CARD8: variants seen among roughly 807,000 people sequenced by gnomAD.
CARD8 encodes the protein caspase recruitment domain-containing protein 8.
A neutral mutation model predicts 53.2 loss-of-function variants in CARD8; 38 were observed. That is an observed-to-expected ratio of 0.71 (90% CI 0.55 to 0.94). The LOEUF is 0.94. Among genes scored for constraint, CARD8 ranks in the 40% least tolerant of loss-of-function variants. The pLI is 0.00. For synonymous variants in CARD8, 245 were observed against 244.9 expected (o/e 1.00, Z 0.00); for missense variants, 561 against 655.5 (o/e 0.86, Z 1.57).
chr19:48,231,534 A>C (rs2042886295), intron 8 of CARD8, 126 bp downstream of exon 8: 1 of 914,434 alleles, frequency 1.1e-6, no homozygotes, highest in Non-Finnish European at 1.6e-6. Flanking sequence ...CGAACTCCTG[A>C]CCTTGTGATC....
chr19:48,219,160 C>G, intron 11 of CARD8, 148 bp from the exon 12 acceptor site: 1 of 668,084 alleles, frequency 1.5e-6, no homozygotes, highest in Admixed American at 2.7e-5. Context: ...GTAAACAGCT[C>G]TTTACATTTA....
chr19:48,253,733 C>T (rs1004204038), intron 1 of CARD8, among the ~76,000 whole-genome samples: 2 of 152,108 alleles, frequency 1.3e-5, no homozygotes, highest in African/African-American at 4.8e-5. Context: ...ATAAGAATAA[C>T]AATTTTAATT....
At chr19:48,229,283 A>G (rs924095294) in intron 10 of CARD8, among the ~76,000 whole-genome samples, 3 of 152,186 alleles carry the variant, frequency 2.0e-5, no homozygotes, top group African/African-American at 4.8e-5. Context: ...TGTTTCTAGT[A>G]TATCAATAAG....
chr19:48,241,890 G>A (rs905312548), intron 3 of CARD8, among the ~76,000 whole-genome samples: 3 of 152,014 alleles, frequency 2.0e-5, no homozygotes, highest in Non-Finnish European at 4.4e-5. Flanking sequence ...ACAATTCAAT[G>A]TTGTATATAT....
chr19:48,224,118 C>T (rs562199399), intron 10 of CARD8, among the ~76,000 whole-genome samples: 44 of 152,238 alleles, frequency 2.9e-4, no homozygotes, highest in Non-Finnish European at 5.1e-4. Flanking sequence ...CATGCCAGCA[C>T]GCCCGGCTAA....
At chr19:48,227,142 C>A (rs1005173324) in intron 10 of CARD8, among the ~76,000 whole-genome samples, 2 of 151,312 alleles carry the variant, frequency 1.3e-5, no homozygotes, top group African/African-American at 4.9e-5. Flanking sequence ...AAGATGAACA[C>A]TAGAGTATGG....
At chr19:48,228,174 C>A (rs531026577) in intron 10 of CARD8, among the ~76,000 whole-genome samples, 3 of 152,308 alleles carry the variant, frequency 2.0e-5, no homozygotes, top group African/African-American at 7.2e-5. Flanking sequence ...CCAGATGGAA[C>A]CATCTAGCTG....
At chr19:48,218,375 C>T (rs10417858) in intron 12 of CARD8, among the ~76,000 whole-genome samples, 1,399 of 11,612 alleles carry the variant, frequency 0.12, 333 homozygotes, top group Middle Eastern at 0.38. Flanking sequence ...TTTTTTTTTT[C>T]AGATGGAGTT....
At chr19:48,207,502 A>AAT (rs10691100), downstream of CARD8, among the ~76,000 whole-genome samples, 124,989 of 151,862 alleles carry the variant, frequency 0.82, 52,246 homozygotes, top group South Asian at 0.91. Context: ...TATGGCTTTT[A>AAT]ATGAGGTTTC....
At chr19:48,225,218 C>T (rs532350363) in intron 10 of CARD8, among the ~76,000 whole-genome samples, 6 of 152,104 alleles carry the variant, frequency 3.9e-5, no homozygotes, top group South Asian at 2.1e-4. Flanking sequence ...CTGGAGGGCA[C>T]GGTGGCTCAC....
At position 48,211,697 on chromosome 19, in the gene CARD8, T is replaced by C. The variant is rs1367628950; in HGVS notation, c.*13A>G. ...GCTGGATTCTCTCTTCCAGACTACC[T>C]AACTGACTCATTTTACAAATTCTGC... On this transcript the variant is annotated 3_prime_UTR_variant, in exon 14 of 14. Transcript: ENST00000651546. The C allele has an allele frequency of 5.6e-6, 9 of 1,612,060 alleles. No individual in the cohort carries two copies. The highest frequency in any genetic ancestry group is 7.6e-6 in the Non-Finnish European group (9 of 1,178,760).
chr19:48,211,696 C>T lies in CARD8; in HGVS notation c.*14G>A, dbSNP rs1313261508. 2 of 1,611,952 alleles carry T rather than the reference C, an allele frequency of 1.2e-6. No individual in the cohort carries two copies. The highest frequency in any genetic ancestry group is 1.7e-6 in the Non-Finnish European group (2 of 1,178,674). Reference sequence around the variant, plus strand: ...CGCTGGATTCTCTCTTCCAGACTACCTAACTGACTCATTTTACAAATTCTG... The same window carrying T: ...CGCTGGATTCTCTCTTCCAGACTACTTAACTGACTCATTTTACAAATTCTG... On this transcript the variant is annotated 3_prime_UTR_variant, in exon 14 of 14. Coordinates refer to ENST00000651546, the MANE Select transcript of CARD8 (RefSeq NM_001184900.3).
At chr19:48,222,559 G>T (rs1041820780) in intron 10 of CARD8, among the ~76,000 whole-genome samples, 2 of 151,986 alleles carry the variant, frequency 1.3e-5, no homozygotes, top group African/African-American at 4.8e-5. Context: ...CGTGGTGGCG[G>T]GCGCCTGTAA....
intron 6 of CARD8, chr19:48,232,754 A>G (rs2043149607): frequency 6.4e-6 from 4 of 627,122 alleles, no homozygotes; most frequent in Non-Finnish European, 1.2e-5. Flanking sequence ...CACTCCCGTC[A>G]TCACAGAAAG....
At chr19:48,232,213 C>T (rs2146272272) in intron 7 of CARD8, 2 of 595,790 alleles carry the variant, frequency 3.4e-6, no homozygotes, top group Non-Finnish European at 6.0e-6. Context: ...TGCATCCTTC[C>T]TAGGCCCTGC....
intron 3 of CARD8, among the ~76,000 whole-genome samples, chr19:48,243,862 T>C (rs145910781): frequency 6.6e-6 from 1 of 152,270 alleles, no homozygotes; most frequent in Non-Finnish European, 1.5e-5. Context: ...AGAAACGAAA[T>C]GGAATTTTTT....
intron 10 of CARD8, among the ~76,000 whole-genome samples, chr19:48,222,610 A>G (rs2040883685): frequency 6.6e-6 from 1 of 151,042 alleles, no homozygotes; most frequent in South Asian, 2.1e-4. Flanking sequence ...AATCACTTGA[A>G]CCCAGGAGGC....
At position 48,210,195 on chromosome 19, in the gene CARD8, A is replaced by T. The variant is rs1309592831; in HGVS notation, c.*1515T>A. On this transcript the variant is annotated 3_prime_UTR_variant, in exon 14 of 14. Coordinates refer to ENST00000651546, the MANE Select transcript of CARD8 (RefSeq NM_001184900.3). ...TTCTCATCAGGAAATACGGAAGCTAAAAGGAAACTGCTGAACAGAAAACAA... is the reference window on the plus strand; with the variant it reads ...TTCTCATCAGGAAATACGGAAGCTATAAGGAAACTGCTGAACAGAAAACAA... 1 of 152,212 alleles carries T rather than the reference A, an allele frequency of 6.6e-6. No homozygotes were observed. The highest frequency in any genetic ancestry group is 1.5e-5 in the Non-Finnish European group (1 of 68,014). The allele number at this position is 152,212 out of a possible 1,614,324, so 9.4% of individuals were successfully genotyped here.
rs531373253 is a variant in CARD8 at position 48,239,648 on chromosome 19, A to G, written c.60-1116T>C. On this transcript the variant is annotated intron_variant, in intron 4 of 13. Coordinates refer to ENST00000651546, the MANE Select transcript of CARD8 (RefSeq NM_001184900.3). ...CCGCCACCATGCCCAGCTAATTTTT[A>G]TATTTGTAGTAGAGATGGGGTTTCA... Among the ~76,000 whole-genome samples, 212 of 151,646 alleles carry G rather than the reference A, an allele frequency of 1.4e-3. 1 individual carries two copies. The highest frequency in any genetic ancestry group is 5.1e-3 in the African/African-American group (209 of 41,344).
Sources: gnomAD v4.1 joint callset for allele counts (sites outside exome capture counted in the v4.1 genomes callset) on GRCh38, gnomAD v4.1.1 for gene constraint, MANE v1.5 for transcripts, NCBI Gene and HGNC (gene_info 2026-07-23, HGNC 2026-07-21) for gene names.